The following GALNT10 variants were observed in gnomAD, a reference collection of about 807,000 sequenced individuals.
GALNT10 encodes GalNAc transferase 10.
A neutral mutation model predicts 75.0 loss-of-function variants in GALNT10; 41 were observed. The ratio of observed to expected loss-of-function variants is 0.55; its 90% CI spans 0.43 to 0.71. The LOEUF (loss-of-function observed/expected upper bound fraction) is 0.71, where lower values mean the gene tolerates loss of function less well. GALNT10 is among the 30% of genes least tolerant of loss of function. GALNT10 has a pLI of 0.00. For missense variants in GALNT10, 727 were observed against 818.5 expected (o/e 0.89, Z 1.36); for synonymous variants, 302 against 313.0 (o/e 0.96, Z 0.37).
At chr5:154,384,670 G>A (rs1054231581) in intron 6 of GALNT10, among the ~76,000 whole-genome samples, 1 of 152,160 alleles carries the variant, frequency 6.6e-6, no homozygotes, top group Non-Finnish European at 1.5e-5. Context: ...GAGAGTGAGG[G>A]TTCCGAATTT....
At chr5:154,301,272 G>A (rs1339636571) in intron 3 of GALNT10, among the ~76,000 whole-genome samples, 4 of 152,164 alleles carry the variant, frequency 2.6e-5, no homozygotes, top group Non-Finnish European at 4.4e-5. Flanking sequence ...CCCAAGGAAA[G>A]CATTTGCTTT....
chr5:154,416,480 T>TACACACACACACAC lies in GALNT10; in HGVS notation c.1654-309_1654-296dup, dbSNP rs70978542. ...AAATAAAAGATAAAAGGAAAGCACA[T>TACACACACACACAC]ACACACACACACACACACACACACA... On this transcript the variant is annotated intron_variant, in intron 11 of 11. Coordinates refer to ENST00000297107, the MANE Select transcript of GALNT10 (RefSeq NM_198321.4). This position sits in a 1 kb window ranked among gnomAD's most constrained non-coding sequence, Gnocchi z 4.5. Among the ~76,000 whole-genome samples, 1,028 of 141,900 alleles carry TACACACACACACAC rather than the reference T, an allele frequency of 7.2e-3. 22 individuals are homozygous for TACACACACACACAC. The highest frequency in any genetic ancestry group is 0.012 in the South Asian group (51 of 4,190). The allele number at this position is 141,900 out of a possible 152,430, so 93.1% of individuals were successfully genotyped here.
chr5:154,285,745 A>C (rs1384507049), intron 1 of GALNT10, among the ~76,000 whole-genome samples: 1 of 152,104 alleles, frequency 6.6e-6, no homozygotes, highest in Non-Finnish European at 1.5e-5. Context: ...TGGCTACAAG[A>C]GAGCTTTCCA....
At position 154,340,124 on chromosome 5, in the gene GALNT10, C is replaced by T. The variant is rs546766274; in HGVS notation, c.568+10386C>T. On this transcript the variant is annotated intron_variant, in intron 4 of 11. Transcript: ENST00000297107. ...TTTGCACCAACCTAACAGTAGCTTCCTTAATAACTAACCTGCTCTAGTGCA... is the reference window on the plus strand; with the variant it reads ...TTTGCACCAACCTAACAGTAGCTTCTTTAATAACTAACCTGCTCTAGTGCA... Among the ~76,000 whole-genome samples, 22 of 152,344 alleles carry T rather than the reference C, an allele frequency of 1.4e-4. No individual in the cohort carries two copies. The South Asian group carries it at 4.4e-3, about 30-fold the overall frequency.
chr5:154,309,984 C>A (rs141460267), intron 3 of GALNT10, among the ~76,000 whole-genome samples: 205 of 152,288 alleles, frequency 1.3e-3, no homozygotes, highest in African/African-American at 4.7e-3. Flanking sequence ...TGACCCAAGA[C>A]CGGACGTAGT....
chr5:154,218,130 C>CGTGGAGT (rs1561631832), intron 1 of GALNT10: 11 of 985,282 alleles, frequency 1.1e-5, no homozygotes, highest in Non-Finnish European at 1.3e-5. Flanking sequence ...CCTCTGCCTT[C>CGTGGAGT]GTGGAGTGGG....
At chr5:154,209,034 G>A (rs1368908490) in intron 1 of GALNT10, among the ~76,000 whole-genome samples, 1 of 152,194 alleles carries the variant, frequency 6.6e-6, no homozygotes, top group Non-Finnish European at 1.5e-5. Flanking sequence ...AGAAACACAT[G>A]GTGAGGTATC....
chr5:154,412,254 C>CAGTA lies in GALNT10; in HGVS notation c.1387-631_1387-628dup, dbSNP rs1756412273. Among the ~76,000 whole-genome samples, 2 of 152,326 alleles carry CAGTA rather than the reference C, an allele frequency of 1.3e-5. No individual in the cohort carries two copies. Among genetic ancestry groups the CAGTA allele is most frequent in the Admixed American group, 1.3e-4 (2 of 15,308 alleles). On this transcript the variant is annotated intron_variant, in intron 9 of 11. Coordinates refer to ENST00000297107, the MANE Select transcript of GALNT10 (RefSeq NM_198321.4). This position sits in a 1 kb window ranked among gnomAD's most constrained non-coding sequence, Gnocchi z 4.2. ...TGCACCTAGCACAATGGCCTGCCCA[C>CAGTA]AGTAAGTGCCCAATCGGTATTTGTT...
intron 1 of GALNT10, among the ~76,000 whole-genome samples, chr5:154,270,526 G>C (rs1007174491): frequency 2.0e-5 from 3 of 152,196 alleles, no homozygotes; most frequent in East Asian, 3.9e-4. Context: ...GGGTGACCCA[G>C]TTCAGAGGAC....
At chr5:154,371,431 C>T (rs765925820) in intron 4 of GALNT10, among the ~76,000 whole-genome samples, 2 of 152,054 alleles carry the variant, frequency 1.3e-5, no homozygotes, top group Non-Finnish European at 2.9e-5. Flanking sequence ...ACAGTCCACC[C>T]GGTAGAACCA....
chr5:154,330,893 CAGAG>C (rs879683142), intron 4 of GALNT10, among the ~76,000 whole-genome samples: 6 of 127,016 alleles, frequency 4.7e-5, no homozygotes, highest in Non-Finnish European at 8.2e-5. Flanking sequence ...ACAGAGGCCT[CAGAG>C]AGACAGAGAG....
chr5:154,241,818 T>C (rs1368961108), intron 1 of GALNT10, among the ~76,000 whole-genome samples: 1 of 152,242 alleles, frequency 6.6e-6, no homozygotes, highest in Non-Finnish European at 1.5e-5. Flanking sequence ...TCAACACATA[T>C]TGGCTTGTTT....
intron 10 of GALNT10, among the ~76,000 whole-genome samples, 171 bp from the exon 11 acceptor site, chr5:154,415,612 G>T (rs1021405711): frequency 1.3e-5 from 2 of 152,110 alleles, no homozygotes. Flanking sequence ...ACTGCTGGGT[G>T]AGCCACCGCA....
intron 4 of GALNT10, among the ~76,000 whole-genome samples, chr5:154,365,273 G>A (rs992789913): frequency 7.9e-5 from 12 of 152,162 alleles, no homozygotes; most frequent in Admixed American, 1.3e-4. Context: ...ACCTGCACCC[G>A]AGGAGTAGGT....
At chr5:154,305,141 T>A (rs1754412787) in intron 3 of GALNT10, among the ~76,000 whole-genome samples, 1 of 151,790 alleles carries the variant, frequency 6.6e-6, no homozygotes. Context: ...ATTAAAAAAA[T>A]ATATATTAGC....
chr5:154,262,414 G>A (rs145212028), intron 1 of GALNT10, among the ~76,000 whole-genome samples: 1 of 152,238 alleles, frequency 6.6e-6, no homozygotes, highest in Non-Finnish European at 1.5e-5. Flanking sequence ...GCTCATTACT[G>A]CAGTGGGGCT....
intron 1 of GALNT10, among the ~76,000 whole-genome samples, chr5:154,251,500 C>G (rs1301771448): frequency 6.6e-6 from 1 of 152,152 alleles, no homozygotes; most frequent in Non-Finnish European, 1.5e-5. Flanking sequence ...AAATTGGCAG[C>G]TGGATCCAGA....
At position 154,368,999 on chromosome 5, in the gene GALNT10, C is replaced by G. The variant is rs529926490; in HGVS notation, c.569-7278C>G. ...TTCCTGGCTGTCACCTACCAGCTGT[C>G]TGAAAACAGATTCACACAAAACTTC... On this transcript the variant is annotated intron_variant, in intron 4 of 11. Coordinates refer to ENST00000297107, the MANE Select transcript of GALNT10 (RefSeq NM_198321.4). Among the ~76,000 whole-genome samples, 14 of 152,182 alleles carry G rather than the reference C, an allele frequency of 9.2e-5. No homozygotes were observed. The South Asian group carries it at 1.0e-3, about 11-fold the overall frequency.
At chr5:154,271,566 GTGTC>G (rs1435587414) in intron 1 of GALNT10, among the ~76,000 whole-genome samples, 5 of 152,228 alleles carry the variant, frequency 3.3e-5, no homozygotes, top group African/African-American at 7.2e-5. Context: ...GTGTGTGGGT[GTGTC>G]TGTCTGTCTG....
Sources: allele counts gnomAD v4.1 joint callset (sites outside exome capture counted in the v4.1 genomes callset), GRCh38; gene constraint gnomAD v4.1.1; non-coding constraint Gnocchi (gnomAD v3.1); transcripts MANE v1.5; gene names NCBI Gene and HGNC (gene_info 2026-07-23, HGNC 2026-07-21).